Variants in WDPCP observed in about 807,000 individuals in gnomAD.
WDPCP encodes the protein WD repeat containing planar cell polarity effector, also known as WD repeat-containing and planar cell polarity effector protein fritz homolog.
WDPCP carries 71 observed loss-of-function variants against 93.1 expected under a neutral mutation model. The ratio of observed to expected loss-of-function variants is 0.76; its 90% CI spans 0.63 to 0.93. WDPCP has a LOEUF of 0.93. Ranked by LOEUF, WDPCP falls within the 40% of genes least tolerant of loss-of-function variation. The pLI is 0.00. For synonymous variants in WDPCP, 315 were observed against 315.0 expected (o/e 1.00, Z 0.00); for missense variants, 844 against 887.4 (o/e 0.95, Z 0.62).
intron 2 of WDPCP, among the ~76,000 whole-genome samples, chr2:63,758,722 G>A (rs971615757): frequency 2.6e-5 from 4 of 152,082 alleles, no homozygotes; most frequent in African/African-American, 9.7e-5. Flanking sequence ...TTACAGGCAT[G>A]AGCCACTGCG....
At chr2:63,546,378 A>G (rs1705155603) in intron 1 of WDPCP, among the ~76,000 whole-genome samples, 1 of 152,224 alleles carries the variant, frequency 6.6e-6, no homozygotes, top group Non-Finnish European at 1.5e-5. Context: ...TAGGGGATCT[A>G]ATAGACAATC....
intron 15 of WDPCP, among the ~76,000 whole-genome samples, chr2:63,167,919 A>T (rs749677276): frequency 7.9e-5 from 12 of 152,236 alleles, no homozygotes; most frequent in Non-Finnish European, 1.3e-4. Flanking sequence ...GTTCAAGACT[A>T]GCCTGGGCAA....
intron 1 of WDPCP, among the ~76,000 whole-genome samples, chr2:63,548,138 T>G (rs1332311141): frequency 6.6e-6 from 1 of 152,040 alleles, no homozygotes; most frequent in Non-Finnish European, 1.5e-5. Context: ...TCCCAAATTT[T>G]TTTAAAAAGC....
intron 14 of WDPCP, among the ~76,000 whole-genome samples, chr2:63,236,009 GAAATC>G (rs529497824): frequency 4.6e-4 from 70 of 152,248 alleles, no homozygotes; most frequent in Non-Finnish European, 9.0e-4. Flanking sequence ...AGAAGAGAAA[GAAATC>G]AAAGGCATCC....
intron 16 of WDPCP, 35 bp downstream of exon 16, chr2:63,153,460 T>C: frequency 1.3e-6 from 2 of 1,521,120 alleles, no homozygotes; most frequent in Non-Finnish European, 1.8e-6. Flanking sequence ...TTTTCTGTTA[T>C]ACTTTGAATA....
In WDPCP at chr2:63,755,272, A is replaced by T. The variant is rs78335969; in HGVS notation, n.308+58350T>A. Among the ~76,000 whole-genome samples, 866 of 152,332 alleles carry T rather than the reference A, an allele frequency of 5.7e-3. 13 individuals carry two copies. Among genetic ancestry groups the T allele is most frequent in the African/African-American group, 0.019 (808 of 41,580 alleles). On this transcript the variant is annotated intron_variant and non_coding_transcript_variant, in intron 2 of 4. Transcript: ENST00000467687. ...CATGAGCCAAGAATCACTGACAGCCATCTCAGAGGTGCGCTATCATCTTAG... is the reference window on the plus strand; with the variant it reads ...CATGAGCCAAGAATCACTGACAGCCTTCTCAGAGGTGCGCTATCATCTTAG...
At chr2:63,595,353 T>C (rs1175820541) in intron 3 of WDPCP, 2 of 955,244 alleles carry the variant, frequency 2.1e-6, no homozygotes, top group South Asian at 1.3e-5. Context: ...ATAAAAACTA[T>C]GTGAAAAGAC....
intron 2 of WDPCP, among the ~76,000 whole-genome samples, chr2:63,796,875 G>A (rs1046837172): frequency 3.3e-5 from 5 of 152,168 alleles, no homozygotes; most frequent in Non-Finnish European, 7.3e-5. Flanking sequence ...GGTGGCCAAG[G>A]GAGTGTTTGC....
At chr2:63,706,441 T>G (rs1669153936) in intron 2 of WDPCP, among the ~76,000 whole-genome samples, 1 of 152,196 alleles carries the variant, frequency 6.6e-6, no homozygotes, top group South Asian at 2.1e-4. Flanking sequence ...TACCGGTTGT[T>G]CCTTTCTATG....
At chr2:63,652,701 T>C (rs1424639374) in intron 2 of WDPCP, among the ~76,000 whole-genome samples, 1 of 152,238 alleles carries the variant, frequency 6.6e-6, no homozygotes, top group African/African-American at 2.4e-5. Flanking sequence ...TGAAATGCAG[T>C]TGGCTCTGAA....
At chr2:63,221,301 A>G in intron 14 of WDPCP, among the ~76,000 whole-genome samples, 1 of 152,202 alleles carries the variant, frequency 6.6e-6, no homozygotes, top group Admixed American at 6.5e-5. Flanking sequence ...TCTTCCAGCT[A>G]AAGCAGCTGT....
chr2:63,336,791 G>T (rs1688401805), intron 12 of WDPCP, among the ~76,000 whole-genome samples: 2 of 150,730 alleles, frequency 1.3e-5, no homozygotes, highest in African/African-American at 2.4e-5. Flanking sequence ...ACAGTTCAGT[G>T]CTAATAAATA....
intron 2 of WDPCP, among the ~76,000 whole-genome samples, chr2:63,705,465 T>C (rs1156610501): frequency 6.6e-6 from 1 of 152,210 alleles, no homozygotes; most frequent in Non-Finnish European, 1.5e-5. Flanking sequence ...TCACACTGCT[T>C]TGAATGTGTC....
chr2:63,807,684 T>C (rs1670789827), intron 2 of WDPCP, among the ~76,000 whole-genome samples: 1 of 152,202 alleles, frequency 6.6e-6, no homozygotes, highest in South Asian at 2.1e-4. Flanking sequence ...AAAATCACTA[T>C]AAGTATGTTT....
chr2:63,135,342 T>G, intron 17 of WDPCP, among the ~76,000 whole-genome samples: 1 of 152,228 alleles, frequency 6.6e-6, no homozygotes, highest in East Asian at 1.9e-4. Flanking sequence ...CGTTATTTCT[T>G]TTATTTTGAG....
Position 63,657,211 on chromosome 2 carries a change from T to G in WDPCP, n.309-6373A>C, listed in dbSNP as rs553114236. Among the ~76,000 whole-genome samples the G allele has an allele frequency of 5.6e-4, 82 of 146,332 alleles. 2 individuals carry two copies. The highest frequency in any genetic ancestry group is 2.6e-3 in the Admixed American group (38 of 14,778). ...GAGACAGGTTCTGGGTGATGTTTTT[T>G]TTTTTTTTTTTGCGACGGAGTCTCG... On this transcript the variant is annotated intron_variant and non_coding_transcript_variant, in intron 2 of 4. Coordinates refer to the WDPCP transcript ENST00000467687.
intron 9 of WDPCP, among the ~76,000 whole-genome samples, chr2:63,419,791 G>GA (rs1391046043): frequency 6.6e-6 from 1 of 151,780 alleles, no homozygotes; most frequent in African/African-American, 2.4e-5. Context: ...TATAAATCAG[G>GA]AAAAAAAATT....
intron 9 of WDPCP, among the ~76,000 whole-genome samples, chr2:63,424,977 T>A (rs190735725): frequency 6.6e-6 from 1 of 152,190 alleles, no homozygotes; most frequent in African/African-American, 2.4e-5. Flanking sequence ...AAGAGCCACG[T>A]GGCTAAGAAC....
chr2:63,590,657 T>C (rs992521413), upstream of WDPCP: 2 of 152,192 alleles, frequency 1.3e-5, no homozygotes, highest in African/African-American at 4.8e-5. Flanking sequence ...GGTCAGATAA[T>C]TTTCCCAAGG....
Sources: allele counts gnomAD v4.1 joint callset (sites outside exome capture counted in the v4.1 genomes callset), GRCh38; gene constraint gnomAD v4.1.1; transcripts MANE v1.5; gene names NCBI Gene and HGNC (gene_info 2026-07-23, HGNC 2026-07-21).